The following KATNAL1 variants were observed in gnomAD, a reference collection of about 807,000 sequenced individuals.
The protein encoded by KATNAL1 is katanin catalytic subunit A1 like 1.
In KATNAL1, 32 loss-of-function variants were observed where a neutral mutation model predicts 55.2. The ratio of observed to expected loss-of-function variants is 0.58; its 90% confidence interval spans 0.44 to 0.78. The LOEUF is 0.78. KATNAL1 is among the 30% of genes least tolerant of loss of function. The pLI, the probability that KATNAL1 is intolerant of heterozygous loss-of-function variation, is 0.00. For synonymous variants in KATNAL1, 193 were observed against 193.6 expected (o/e 1.00, Z 0.02); for missense variants, 466 against 600.9 (o/e 0.78, Z 2.35).
At chr13:30,306,182 G>A (rs1360080350) in intron 1 of KATNAL1, among the ~76,000 whole-genome samples, 1 of 152,150 alleles carries the variant, frequency 6.6e-6, no homozygotes, top group African/African-American at 2.4e-5. Context: ...GGAAGGTTTC[G>A]TAAATCTGTG....
chr13:30,230,320 T>C (rs1006539975), intron 8 of KATNAL1, 148 bp downstream of exon 8: 3 of 652,594 alleles, frequency 4.6e-6, no homozygotes, highest in Non-Finnish European at 7.3e-6. Flanking sequence ...CAAGAAATGC[T>C]TTCTGAGTGC....
chr13:30,306,191 T>G (rs1335230081), intron 1 of KATNAL1, among the ~76,000 whole-genome samples: 1 of 152,222 alleles, frequency 6.6e-6, no homozygotes, highest in Non-Finnish European at 1.5e-5. Flanking sequence ...CGTAAATCTG[T>G]GTCAGCTTCC....
chr13:30,292,133 T>G (rs1882175156), intron 1 of KATNAL1, among the ~76,000 whole-genome samples: 1 of 152,114 alleles, frequency 6.6e-6, no homozygotes, highest in Admixed American at 6.5e-5. Context: ...AGAAACAGAT[T>G]CATACATACA....
intron 6 of KATNAL1, among the ~76,000 whole-genome samples, chr13:30,234,839 G>A (rs1876491038): frequency 6.6e-6 from 1 of 152,130 alleles, no homozygotes; most frequent in African/African-American, 2.4e-5. Flanking sequence ...CTGGAAAATA[G>A]CCTCTAAATC....
chr13:30,280,028 A>C (rs1043207660), intron 3 of KATNAL1, 35 bp downstream of exon 3: 4 of 1,558,492 alleles, frequency 2.6e-6, no homozygotes, highest in Non-Finnish European at 3.5e-6. Context: ...TCAATTAACT[A>C]GAAGCACCTA....
At position 30,205,813 on chromosome 13, in the gene KATNAL1, TGTC is replaced by T. The variant is rs1280507400; in HGVS notation, c.*2724_*2726del. On this transcript the variant is annotated 3_prime_UTR_variant, in exon 11 of 11. Coordinates refer to ENST00000380615, the MANE Select transcript of KATNAL1 (RefSeq NM_032116.5). ...GTCTCACGCCTATAAGGCAACACACTGTCTTCTGCAATAAAGACTCTGTGTGTG... is the reference window on the plus strand; with the variant it reads ...GTCTCACGCCTATAAGGCAACACACTTTCTGCAATAAAGACTCTGTGTGTG... The T allele has an allele frequency of 1.3e-5, 2 of 150,436 alleles. No homozygotes were observed. The highest frequency in any genetic ancestry group is 5.2e-5 in the African/African-American group (2 of 38,678). The allele number at this position is 150,436 out of a possible 1,614,324, so 9.3% of individuals were successfully genotyped here.
chr13:30,297,991 C>T (rs888073902), intron 1 of KATNAL1, among the ~76,000 whole-genome samples: 2 of 152,166 alleles, frequency 1.3e-5, no homozygotes, highest in Admixed American at 1.3e-4. Context: ...AACAAACGTG[C>T]AGATGTACCC....
chr13:30,269,216 C>A (rs949521485), intron 3 of KATNAL1, among the ~76,000 whole-genome samples: 2 of 152,230 alleles, frequency 1.3e-5, no homozygotes, highest in Non-Finnish European at 1.5e-5. Flanking sequence ...TGAGTGCCTG[C>A]GATTGCAGGC....
intron 2 of KATNAL1, among the ~76,000 whole-genome samples, chr13:30,282,826 G>A (rs1204163254): frequency 3.3e-5 from 5 of 151,230 alleles, no homozygotes; most frequent in Non-Finnish European, 7.4e-5. Flanking sequence ...GTGGTGGTGG[G>A]CGCATGTAGT....
intron 1 of KATNAL1, among the ~76,000 whole-genome samples, chr13:30,291,836 G>C (rs984180880): frequency 6.6e-6 from 1 of 152,110 alleles, no homozygotes; most frequent in Non-Finnish European, 1.5e-5. Context: ...GAGAGTTCAA[G>C]ACCAGCCTGA....
At chr13:30,238,877 G>A (rs1039536074) in intron 6 of KATNAL1, among the ~76,000 whole-genome samples, 5 of 152,090 alleles carry the variant, frequency 3.3e-5, no homozygotes, top group Non-Finnish European at 5.9e-5. Flanking sequence ...AAAGTGTGCC[G>A]CAGAAAGGCA....
chr13:30,289,541 T>C (rs1882003396), intron 1 of KATNAL1, among the ~76,000 whole-genome samples: 1 of 152,236 alleles, frequency 6.6e-6, no homozygotes, highest in Non-Finnish European at 1.5e-5. Flanking sequence ...TTTCTGACCA[T>C]TACTTTCCTG....
chr13:30,295,716 T>C (rs547325444), intron 1 of KATNAL1, among the ~76,000 whole-genome samples: 51 of 152,306 alleles, frequency 3.3e-4, no homozygotes, highest in African/African-American at 1.2e-3. Flanking sequence ...ACTGTTGAAA[T>C]AACAATAAAG....
intron 1 of KATNAL1, among the ~76,000 whole-genome samples, chr13:30,301,197 G>A (rs186765784): frequency 5.9e-5 from 9 of 152,164 alleles, no homozygotes; most frequent in East Asian, 5.8e-4. Flanking sequence ...GCAAAACCCC[G>A]TCTCTACTAA....
In KATNAL1 at chr13:30,255,593, G is replaced by A; in HGVS notation, c.346C>T (p.Pro116Ser). ...EHRAPPQIRR[P>S]NREVRPLRKE... ...CTCAGAGGTCTTACTTCTCGATTGGGACGCCTGATCTGAGGTGGAGCTCTG... is the reference window on the plus strand; with the variant it reads ...CTCAGAGGTCTTACTTCTCGATTGGAACGCCTGATCTGAGGTGGAGCTCTG... The change falls in exon 4 of 11, where the codon CCC (proline) becomes TCC (serine). Residue 116 changes from proline (P) to serine (S), a missense_variant. By Grantham distance (74) the Pro-to-Ser change is moderately conservative. This residue lies in a region of KATNAL1 where 248 missense variants were observed against 275.5 expected (regional missense o/e 0.90). Transcript: ENST00000380615. 2 of 1,534,714 alleles carry A rather than the reference G, an allele frequency of 1.3e-6. No homozygotes were observed. The highest frequency in any genetic ancestry group is 1.9e-5 in the Admixed American group (1 of 53,184).
At chr13:30,209,316 G>A (rs900532693) in intron 10 of KATNAL1, among the ~76,000 whole-genome samples, 10 of 152,300 alleles carry the variant, frequency 6.6e-5, no homozygotes, top group Middle Eastern at 3.4e-3. Context: ...GGAAGAAAAG[G>A]ATAATTCATA....
chr13:30,301,698 G>A (rs1484641387), intron 1 of KATNAL1, among the ~76,000 whole-genome samples: 1 of 152,006 alleles, frequency 6.6e-6, no homozygotes, highest in Non-Finnish European at 1.5e-5. Flanking sequence ...TTAAAGTTAC[G>A]CAGCTAATCT....
intron 3 of KATNAL1, among the ~76,000 whole-genome samples, chr13:30,275,849 T>C (rs536537555): frequency 9.9e-5 from 15 of 152,172 alleles, no homozygotes; most frequent in Non-Finnish European, 1.9e-4. Flanking sequence ...TAATTGTCAA[T>C]TATACCTCAA....
chr13:30,236,084 G>A (rs761106592), intron 6 of KATNAL1, among the ~76,000 whole-genome samples: 40 of 152,160 alleles, frequency 2.6e-4, no homozygotes, highest in Non-Finnish European at 5.9e-4. Flanking sequence ...AAAAGGAGGG[G>A]CTGTCTTGTT....
Sources: gnomAD v4.1 joint callset for allele counts (sites outside exome capture counted in the v4.1 genomes callset) on GRCh38, gnomAD v4.1.1 for gene constraint, gnomAD v4.1.1 regional missense constraint, MANE v1.5 for transcripts, NCBI Gene and HGNC (gene_info 2026-07-23, HGNC 2026-07-21) for gene names.